SPP1: variants seen among roughly 807,000 people sequenced by gnomAD.
SPP1 encodes secreted phosphoprotein 1.
In SPP1, 18 loss-of-function variants were observed where a neutral mutation model predicts 20.8. The ratio of observed to expected loss-of-function variants is 0.87; its 90% CI spans 0.60 to 1.29. The LOEUF is 1.29. SPP1 is among the 50% of genes most tolerant of loss of function. SPP1 has a pLI of 0.00. For missense variants in SPP1, 363 were observed against 389.0 expected, an observed-to-expected ratio of 0.93 and a Z score of 0.56; for synonymous variants, 146 against 141.5, an observed-to-expected ratio of 1.03 and a Z score of -0.23.
At chr4:87,976,379 A>G (rs1337980983) in intron 1 of SPP1, among the ~76,000 whole-genome samples, 3 of 152,206 alleles carry the variant, frequency 2.0e-5, no homozygotes, top group African/African-American at 7.2e-5. Flanking sequence ...TAAATAACAA[A>G]TTTCAGAGAT....
intron 6 of SPP1, 96 bp downstream of exon 6, chr4:87,981,894 T>TC: frequency 9.4e-7 from 1 of 1,060,046 alleles, no homozygotes; most frequent in Non-Finnish European, 1.4e-6. Flanking sequence ...ATCCATTCAT[T>TC]CATCCATTCA....
chr4:87,981,823 G>A, intron 6 of SPP1, 25 bp downstream of exon 6: 1 of 1,602,926 alleles, frequency 6.2e-7, no homozygotes, highest in East Asian at 2.2e-5. Flanking sequence ...AGACACACCT[G>A]ATGGTTCTGA....
intron 5 of SPP1, 116 bp downstream of exon 5, chr4:87,980,550 C>A: frequency 9.7e-7 from 1 of 1,036,148 alleles, no homozygotes; most frequent in South Asian, 1.6e-5. Flanking sequence ...AATTGGCAGT[C>A]TAAAACTTGC....
intron 5 of SPP1, 46 bp downstream of exon 5, chr4:87,980,480 T>G (rs769093199): frequency 1.9e-6 from 3 of 1,595,134 alleles, no homozygotes; most frequent in Non-Finnish European, 1.7e-6. Flanking sequence ...CTTGAAGAGA[T>G]GAAAGAAGGC....
At chr4:87,979,599 T>G (rs1725564941) in intron 3 of SPP1, among the ~76,000 whole-genome samples, 1 of 152,182 alleles carries the variant, frequency 6.6e-6, no homozygotes, top group African/African-American at 2.4e-5. Context: ...GTAATTAAGG[T>G]CACTTCTGGT....
intron 6 of SPP1, among the ~76,000 whole-genome samples, chr4:87,982,100 G>A (rs1377557273): frequency 1.3e-5 from 2 of 152,098 alleles, no homozygotes; most frequent in Non-Finnish European, 1.5e-5. Flanking sequence ...TAATGGTCAT[G>A]TTTTGAAGTT....
Position 87,977,081 on chromosome 4 carries a change from G to A in SPP1, c.77G>A (p.Ser26Asn), listed in dbSNP as rs751147462. The A allele has an allele frequency of 6.2e-7, 1 of 1,613,848 alleles. No homozygotes were observed. Among genetic ancestry groups the A allele is most frequent in the South Asian group, 1.1e-5 (1 of 91,060 alleles). ...AIPVKQADSG[S>N]SEEKQLYNKY... is the part of the protein sequence containing the mutation. ...AAGGTTAAACAGGCTGATTCTGGAA[G>A]TTCTGAGGAAAAGCAGGTAAGCATC... The change falls in exon 3 of 7, where the codon AGT (serine) becomes AAT (asparagine). Residue 26 changes from serine to asparagine, a missense_variant. Ser to Asn is a conservative substitution (Grantham distance 46). Transcript: ENST00000395080.
intron 3 of SPP1, 84 bp from the exon 4 acceptor site, chr4:87,979,962 C>T (rs1356780349): frequency 7.3e-7 from 1 of 1,374,068 alleles, no homozygotes; most frequent in African/African-American, 1.5e-5. Context: ...ATGCTTCCAT[C>T]AAGACTAGTG....
At chr4:87,977,941 A>G (rs772372307) in intron 3 of SPP1, 1 of 851,414 alleles carries the variant, frequency 1.2e-6, no homozygotes, top group Non-Finnish European at 1.5e-6. Flanking sequence ...ATAATAAACC[A>G]GAAAAATTAA....
intron 5 of SPP1, chr4:87,980,701 A>G (rs1725606350): frequency 4.4e-6 from 2 of 455,918 alleles, no homozygotes; most frequent in Non-Finnish European, 7.7e-6. Flanking sequence ...TTTTGTAGAT[A>G]TCTAATATCT....
intron 3 of SPP1, among the ~76,000 whole-genome samples, 184 bp downstream of exon 3, chr4:87,977,281 TAA>T: frequency 6.6e-6 from 1 of 152,204 alleles, no homozygotes; most frequent in South Asian, 2.1e-4. Flanking sequence ...TTAATAAATA[TAA>T]GTTTATAAAA....
Position 87,980,492 on chromosome 4 carries a change from T to A in SPP1, c.216+58T>A. The A allele has an allele frequency of 2.5e-6, 4 of 1,571,524 alleles. 1 individual carries two copies. The highest frequency in any genetic ancestry group is 3.5e-6 in the Non-Finnish European group (4 of 1,150,010). On this transcript the variant is annotated intron_variant, in intron 5 of 6. Coordinates refer to ENST00000395080, the MANE Select transcript of SPP1 (RefSeq NM_001040058.2). ...TGCCTTGAAGAGATGAAAGAAGGCA[T>A]TGCCTGGATTCTCTTCTGATGAAAT...
At chr4:87,977,857 T>TA (rs1266259965) in intron 3 of SPP1, 1 of 1,237,502 alleles carries the variant, frequency 8.1e-7, no homozygotes, top group Admixed American at 2.7e-5. Context: ...AGAAGTATTC[T>TA]GTGTTCGTTT....
At chr4:87,980,283 C>A in intron 4 of SPP1, 110 bp from the exon 5 acceptor site, 1 of 1,500,822 alleles carries the variant, frequency 6.7e-7, no homozygotes, top group Non-Finnish European at 9.2e-7. Context: ...GTTAAGCCAT[C>A]CACAGATGAG....
intron 3 of SPP1, chr4:87,977,775 G>A (rs2110065777): frequency 7.8e-7 from 1 of 1,286,162 alleles, no homozygotes; most frequent in Middle Eastern, 2.1e-4. Context: ...AATTCCAGTT[G>A]AACAGAATAA....
chr4:87,980,034 A>G lies in SPP1; in HGVS notation c.94-12A>G. ...TTTTTTTAATAATGATAAACATGCA[A>G]CTTTTTTGTAGCTTTACAACAAATA... On this transcript the variant is annotated splice_polypyrimidine_tract_variant and intron_variant, in intron 3 of 6. Coordinates refer to ENST00000395080, the MANE Select transcript of SPP1 (RefSeq NM_001040058.2). 6.2e-7 allele frequency: 1 copy of G among 1,612,900 alleles called. No homozygotes were observed.
rs1159278523 is a variant in SPP1 at position 87,976,968 on chromosome 4, T to C, written c.54+19T>C. On this transcript the variant is annotated intron_variant, in intron 2 of 6. Transcript: ENST00000395080. ...CATACCAGTGAGTACAGTTGCATCT[T>C]AAAGAAAATTCCTGAAAATAACTGA... 1 of 1,613,666 alleles carries C rather than the reference T, an allele frequency of 6.2e-7. No individual in the cohort carries two copies.
intron 4 of SPP1, 84 bp downstream of exon 4, chr4:87,980,210 C>T (rs1725586920): frequency 6.5e-7 from 1 of 1,527,912 alleles, no homozygotes; most frequent in Non-Finnish European, 9.1e-7. Flanking sequence ...ATGAATCCTG[C>T]CTGCCTGCTG....
intron 3 of SPP1, 44 bp downstream of exon 3, chr4:87,977,141 A>T (rs779973401): frequency 8.2e-6 from 13 of 1,583,490 alleles, no homozygotes; most frequent in Admixed American, 6.7e-5. Flanking sequence ...CATTTACTCA[A>T]TTATGGCGAG....
Sources: allele counts gnomAD v4.1 joint callset (sites outside exome capture counted in the v4.1 genomes callset), GRCh38; gene constraint gnomAD v4.1.1; transcripts MANE v1.5; gene names NCBI Gene and HGNC (gene_info 2026-07-23, HGNC 2026-07-21).